Variants in COG8 observed in about 807,000 individuals in gnomAD.
COG8 encodes the protein component of oligomeric golgi complex 8, also known as conserved oligomeric Golgi complex subunit 8.
In COG8, 45 loss-of-function variants were observed where a neutral mutation model predicts 46.5. The observed-to-expected ratio is 0.97, with a 90% confidence interval of 0.76 to 1.24. The LOEUF (loss-of-function observed/expected upper bound fraction) is 1.24, where lower values mean the gene tolerates loss of function less well. Ranked by LOEUF, COG8 falls within the 50% of genes most tolerant of loss-of-function variation. The probability of loss-of-function intolerance (pLI) is 0.00; values close to 1 mark genes in which losing one functional copy is unlikely to be tolerated. For synonymous variants in COG8, 407 were observed against 347.8 expected, an observed-to-expected ratio of 1.17 and a Z score of -1.90; for missense variants, 793 against 820.8, an observed-to-expected ratio of 0.97 and a Z score of 0.41.
At chr16:69,337,277 T>C (rs2012255803) in intron 1 of COG8, among the ~76,000 whole-genome samples, 1 of 126,436 alleles carries the variant, frequency 7.9e-6, no homozygotes, top group African/African-American at 3.2e-5. Context: ...CAAGACTCCG[T>C]CTCAAAAAAA....
At chr16:69,334,408 T>G in intron 3 of COG8, 113 bp downstream of exon 3, 1 of 971,864 alleles carries the variant, frequency 1.0e-6, no homozygotes, top group Admixed American at 2.0e-5. Flanking sequence ...AAAACCACAC[T>G]AGACCTCTCC....
intron 3 of COG8, 128 bp from the exon 4 acceptor site, chr16:69,333,010 T>A: frequency 1.2e-6 from 1 of 811,798 alleles, no homozygotes; most frequent in Non-Finnish European, 2.1e-6. Context: ...CAGTACATTA[T>A]TTTACTGTCT....
chr16:69,338,915 A>G (rs1279977503), intron 1 of COG8, among the ~76,000 whole-genome samples: 1 of 152,122 alleles, frequency 6.6e-6, no homozygotes, highest in Non-Finnish European at 1.5e-5. Flanking sequence ...GCTTGAACCC[A>G]GGAGGCAGAG....
intron 5 of COG8, 144 bp downstream of exon 5, chr16:69,330,669 G>A (rs1016242964): frequency 7.9e-6 from 11 of 1,394,786 alleles, no homozygotes; most frequent in Non-Finnish European, 1.0e-5. Context: ...GCCGCGACTG[G>A]ATCCCCGCCT....
chr16:69,328,803 G>A lies in COG8; in HGVS notation c.*403C>T. ...TTAGGAAATGTCCACTCCTTTGGGG[G>A]TGATTTTTCTCCTCAAGTTGTAGCC... On this transcript the variant is annotated 3_prime_UTR_variant, in exon 6 of 6. Transcript: ENST00000306875. 1 of 576,686 alleles carries A rather than the reference G, an allele frequency of 1.7e-6. No individual in the cohort carries two copies. Among genetic ancestry groups the A allele is most frequent in the Non-Finnish European group, 2.9e-6 (1 of 339,968 alleles). 35.7% of individuals were successfully genotyped at this position (576,686 alleles called of 1,614,324 possible).
rs1265798903 is a variant in COG8 at position 69,327,041 on chromosome 16, G to A, written c.*2165C>T. On this transcript the variant is annotated 3_prime_UTR_variant, in exon 6 of 6. Coordinates refer to ENST00000306875, the MANE Select transcript of COG8 (RefSeq NM_032382.5). Reference sequence around the variant, plus strand: ...GCTTCTGAACATTGTCCAAATGAAAGGAGGCTCAGCTGAATTCTAATTTTC... The same window carrying A: ...GCTTCTGAACATTGTCCAAATGAAAAGAGGCTCAGCTGAATTCTAATTTTC... The A allele has an allele frequency of 6.6e-6, 1 of 152,036 alleles. No homozygotes were observed. The highest frequency in any genetic ancestry group is 1.9e-4 in the East Asian group (1 of 5,190). 9.4% of individuals were successfully genotyped at this position (152,036 alleles called of 1,614,324 possible). A position where few individuals can be genotyped will look rare whatever the true frequency, so the allele number is the denominator to read the frequency against.
chr16:69,330,305 C>G, intron 5 of COG8: 1 of 1,433,950 alleles, frequency 7.0e-7, no homozygotes, highest in Non-Finnish European at 9.1e-7. Context: ...CAGCTCGGGC[C>G]CGCCTAGCTG....
chr16:69,329,466 C>G (rs897763772), intron 5 of COG8, among the ~76,000 whole-genome samples: 1 of 152,244 alleles, frequency 6.6e-6, no homozygotes, highest in Non-Finnish European at 1.5e-5. Flanking sequence ...ACTCCTCCCA[C>G]TTCTGAGGTA....
intron 2 of COG8, 44 bp downstream of exon 2, chr16:69,336,461 T>G: frequency 6.3e-7 from 1 of 1,575,846 alleles, no homozygotes; most frequent in Non-Finnish European, 8.7e-7. Context: ...GAATAAATGA[T>G]TACAAGAACA....
chr16:69,331,103 A>C lies in COG8; in HGVS notation c.1583-8T>G, dbSNP rs764658768. The C allele has an allele frequency of 1.9e-6, 3 of 1,613,632 alleles. No individual in the cohort carries two copies. In the African/African-American group the frequency reaches 4.0e-5, roughly 22 times the overall value. On this transcript the variant is annotated splice_region_variant and splice_polypyrimidine_tract_variant and intron_variant, in intron 4 of 5. Coordinates refer to ENST00000306875, the MANE Select transcript of COG8 (RefSeq NM_032382.5). ...GCTGAGTGGGAGGAATGCCTAACCCAGACGTGGGGAAAGCAAAATGGAAAA... is the reference window on the plus strand; with the variant it reads ...GCTGAGTGGGAGGAATGCCTAACCCCGACGTGGGGAAAGCAAAATGGAAAA...
chr16:69,332,868 G>A lies in COG8; in HGVS notation c.1428C>T (p.Ile476=). The A allele has an allele frequency of 1.2e-6, 2 of 1,614,150 alleles. No individual in the cohort carries two copies. Among genetic ancestry groups the A allele is most frequent in the South Asian group, 1.1e-5 (1 of 91,072 alleles). The change falls in exon 4 of 6, where the codon ATC becomes ATT. Residue 476 remains isoleucine, a synonymous_variant. Transcript: ENST00000306875. ...EDALAKVTKI[I]LAFHRAEEAA... is the part of the protein sequence containing the mutation. ...CCTCTTCAGCGCGATGGAAGGCCAG[G>A]ATTATTTTAGTTACCTAAGAGACAA...
chr16:69,330,703 A>T (rs2011749201), intron 5 of COG8, 110 bp downstream of exon 5: 1 of 1,399,696 alleles, frequency 7.1e-7, no homozygotes, highest in African/African-American at 1.5e-5. Context: ...GGCAGTGAGC[A>T]CCGCCCCCTT....
intron 5 of COG8, 145 bp downstream of exon 5, chr16:69,330,668 G>C (rs2011746391): frequency 1.4e-6 from 2 of 1,395,890 alleles, no homozygotes; most frequent in East Asian, 5.4e-5. Context: ...AGCCGCGACT[G>C]GATCCCCGCC....
chr16:69,330,211 C>T (rs1471970887), intron 5 of COG8: 4 of 1,453,064 alleles, frequency 2.8e-6, no homozygotes, highest in African/African-American at 1.5e-5. Context: ...CCAGCACCTG[C>T]CGCGGCACCC....
Position 69,334,924 on chromosome 16 carries a change from C to A in COG8, c.1010G>T (p.Gly337Val), listed in dbSNP as rs768468708. 1 of 1,614,014 alleles carries A rather than the reference C, an allele frequency of 6.2e-7. No individual in the cohort carries two copies. Among genetic ancestry groups the A allele is most frequent in the Non-Finnish European group, 8.5e-7 (1 of 1,180,036 alleles). ...CAGAGAGTCCAGGTGGCCGCCTATG[C>A]CCCGGTAAAGGTCGGTCTCCAGCAC... Reference protein sequence around the residue: ...LQVLETDLYRGIGGHLDSLLG... With the variant: ...LQVLETDLYRVIGGHLDSLLG... The change falls in exon 3 of 6, where the codon GGC becomes GTC. Residue 337 changes from glycine to valine, a missense_variant. Gly to Val is a moderately radical substitution (Grantham distance 109). Coordinates refer to ENST00000306875, the MANE Select transcript of COG8 (RefSeq NM_032382.5).
rs780534334 is a variant in COG8 at position 69,330,996 on chromosome 16, GTC to G, written c.1680_1681del (p.Glu560AspfsTer7). On this transcript the variant is annotated frameshift_variant, in exon 5 of 6. Transcript: ENST00000306875. LOFTEE classifies it high-confidence loss of function. The stretch of plus-strand genomic sequence containing the variant: ...CGCCTGGTCATCCAGGGTGAAAAGC[GTC>G]TCTCTCTTTGGCAGGATAAAGGCGA... 2.1e-5 allele frequency: 34 copies of G among 1,610,024 alleles called. No homozygotes were observed. In the African/African-American group the frequency reaches 2.5e-4, roughly 12 times the overall value.
chr16:69,339,368 C>G lies in COG8; in HGVS notation c.185G>C (p.Arg62Pro), dbSNP rs1297158508. Residue 62 changes from arginine to proline, a missense_variant, in exon 1 of 6, where the codon CGG becomes CCG. Coordinates refer to ENST00000306875, the MANE Select transcript of COG8 (RefSeq NM_032382.5). ...ELSGSGLERL[R>P]REPERLAEER... ...CTCCGCCAGGCGCTCGGGCTCGCGC[C>G]GCAGCCGCTCCAGCCCCGAGCCGCT... 1.9e-6 allele frequency: 3 copies of G among 1,580,108 alleles called. No homozygotes were observed. The highest frequency in any genetic ancestry group is 2.7e-5 in the African/African-American group (2 of 74,350).
chr16:69,329,259 C>T (rs551594277), intron 5 of COG8, 80 bp from the exon 6 acceptor site: 2 of 1,396,834 alleles, frequency 1.4e-6, no homozygotes, highest in East Asian at 2.8e-5. Flanking sequence ...TGCCCCCGGT[C>T]CTGGCTGTTC....
chr16:69,329,982 CCCCGCCG>C (rs2143306890), intron 5 of COG8: 1 of 1,513,738 alleles, frequency 6.6e-7, no homozygotes, highest in East Asian at 2.7e-5. Context: ...CAGCCCCGGT[CCCCGCCG>C]CCCGCACCTG....
Sources: allele counts gnomAD v4.1 joint callset (sites outside exome capture counted in the v4.1 genomes callset), GRCh38; gene constraint gnomAD v4.1.1; transcripts MANE v1.5; gene names NCBI Gene and HGNC (gene_info 2026-07-23, HGNC 2026-07-21).